Variants in CNTNAP5 observed in about 807,000 individuals in gnomAD.
CNTNAP5 encodes contactin associated protein family member 5.
Under a neutral mutation model 150.2 loss-of-function variants are expected in CNTNAP5, and 72 were observed. The observed-to-expected ratio is 0.48, with a 90% CI of 0.40 to 0.58. CNTNAP5 has a LOEUF of 0.58. CNTNAP5 is among the 20% of genes least tolerant of loss of function. The pLI, the probability that CNTNAP5 is intolerant of heterozygous loss-of-function variation, is 0.00. For synonymous variants in CNTNAP5, 672 were observed against 619.8 expected, an observed-to-expected ratio of 1.08 and a Z score of -1.25; for missense variants, 1,636 against 1,626.2, an observed-to-expected ratio of 1.01 and a Z score of -0.10.
chr2:124,788,310 T>G (rs1242342401), intron 17 of CNTNAP5, among the ~76,000 whole-genome samples: 1 of 152,214 alleles, frequency 6.6e-6, no homozygotes, highest in Non-Finnish European at 1.5e-5. Flanking sequence ...GCCTGATTCT[T>G]GAATAATTTT....
rs77827601 is a variant in CNTNAP5, at chr2:124,884,344, T to G, written c.3436+14582T>G. Reference sequence around the variant, plus strand: ...GTGCATATTCCTTTCTGTGTGTATGTATGTATTCATATCTGGACATGCATG... The same window carrying G: ...GTGCATATTCCTTTCTGTGTGTATGGATGTATTCATATCTGGACATGCATG... On this transcript the variant is annotated intron_variant, in intron 21 of 23. Coordinates refer to ENST00000682447, the MANE Select transcript of CNTNAP5 (RefSeq NM_001367498.1). Among the ~76,000 whole-genome samples, 354 of 152,248 alleles carry G rather than the reference T, an allele frequency of 2.3e-3. 4 individuals carry two copies. Among genetic ancestry groups the G allele is most frequent in the African/African-American group, 8.4e-3 (347 of 41,546 alleles).
At chr2:124,353,159 G>A (rs564381466) in intron 3 of CNTNAP5, among the ~76,000 whole-genome samples, 8 of 151,954 alleles carry the variant, frequency 5.3e-5, no homozygotes, top group African/African-American at 2.4e-5. Flanking sequence ...CAATGTAAGC[G>A]AATTCTTCTA....
intron 19 of CNTNAP5, among the ~76,000 whole-genome samples, chr2:124,844,614 G>A (rs1419430482): frequency 6.6e-6 from 1 of 152,012 alleles, no homozygotes; most frequent in Non-Finnish European, 1.5e-5. Flanking sequence ...TCACAATATT[G>A]ATTCTACCCA....
At chr2:124,706,786 A>G (rs908045244) in intron 13 of CNTNAP5, among the ~76,000 whole-genome samples, 6 of 33,202 alleles carry the variant, frequency 1.8e-4, no homozygotes, top group South Asian at 1.3e-3. Context: ...GAAGAAGAAG[A>G]AGAAGAAGAA....
intron 12 of CNTNAP5, among the ~76,000 whole-genome samples, chr2:124,611,233 G>A (rs151051957): frequency 2.1e-3 from 327 of 152,302 alleles, no homozygotes; most frequent in African/African-American, 7.5e-3. Flanking sequence ...CACAGTGGCT[G>A]TTGTTCATGA....
intron 3 of CNTNAP5, among the ~76,000 whole-genome samples, chr2:124,371,890 A>G (rs1690537166): frequency 6.6e-6 from 1 of 152,074 alleles, no homozygotes; most frequent in African/African-American, 2.4e-5. Context: ...AACTGCAAAG[A>G]AGATGTAATA....
chr2:124,607,747 C>T (rs1009033949), intron 11 of CNTNAP5, among the ~76,000 whole-genome samples: 2 of 152,154 alleles, frequency 1.3e-5, no homozygotes, highest in Non-Finnish European at 2.9e-5. Context: ...TGGTGTTTCC[C>T]TTTTGTGGGA....
intron 13 of CNTNAP5, among the ~76,000 whole-genome samples, chr2:124,685,064 A>G (rs1046988308): frequency 2.6e-5 from 4 of 152,114 alleles, no homozygotes; most frequent in Non-Finnish European, 5.9e-5. Context: ...AAAACTCTTC[A>G]AAGTACTTTT....
At chr2:124,731,183 G>T (rs1327729898) in intron 13 of CNTNAP5, among the ~76,000 whole-genome samples, 1 of 152,044 alleles carries the variant, frequency 6.6e-6, no homozygotes, top group East Asian at 1.9e-4. Context: ...CATGAATAGA[G>T]AATTTTTGTT....
intron 3 of CNTNAP5, among the ~76,000 whole-genome samples, chr2:124,356,575 G>A (rs1459512155): frequency 2.7e-5 from 4 of 150,780 alleles, no homozygotes; most frequent in African/African-American, 9.8e-5. Flanking sequence ...TTTTGTTCTT[G>A]CGATAGTTTA....
intron 11 of CNTNAP5, among the ~76,000 whole-genome samples, chr2:124,600,264 T>A (rs1696954680): frequency 6.6e-6 from 1 of 152,080 alleles, no homozygotes; most frequent in Non-Finnish European, 1.5e-5. Flanking sequence ...TCGTTTACCA[T>A]CTCCAAAACA....
At chr2:124,859,669 T>A (rs904477519) in intron 19 of CNTNAP5, among the ~76,000 whole-genome samples, 1 of 152,150 alleles carries the variant, frequency 6.6e-6, no homozygotes, top group Admixed American at 6.5e-5. Flanking sequence ...CAAATGTCCA[T>A]CAATGATAGA....
intron 1 of CNTNAP5, among the ~76,000 whole-genome samples, chr2:124,081,676 T>C (rs947932330): frequency 1.3e-5 from 2 of 152,178 alleles, no homozygotes; most frequent in African/African-American, 4.8e-5. Flanking sequence ...TGAGTGCCTT[T>C]ATATGAAGAT....
intron 1 of CNTNAP5, among the ~76,000 whole-genome samples, chr2:124,104,572 C>T (rs112303215): frequency 0.028 from 4,266 of 152,114 alleles, 191 homozygotes; most frequent in African/African-American, 0.096. Flanking sequence ...AATGATTTCC[C>T]GACTGTCAAA....
intron 11 of CNTNAP5, among the ~76,000 whole-genome samples, chr2:124,605,694 T>C (rs1007293303): frequency 6.6e-6 from 1 of 151,058 alleles, no homozygotes; most frequent in African/African-American, 2.4e-5. Flanking sequence ...TGTGTGCCTG[T>C]AGTCCCAGCT....
chr2:124,352,248 A>G (rs1265338068), intron 3 of CNTNAP5, among the ~76,000 whole-genome samples: 1 of 152,178 alleles, frequency 6.6e-6, no homozygotes, highest in Non-Finnish European at 1.5e-5. Context: ...CATCATGTTG[A>G]CCAAGTAATT....
intron 1 of CNTNAP5, among the ~76,000 whole-genome samples, chr2:124,114,614 C>G (rs1683381259): frequency 6.6e-6 from 1 of 151,554 alleles, no homozygotes; most frequent in Non-Finnish European, 1.5e-5. Flanking sequence ...AAATCATTAT[C>G]TTGCCTTATT....
At chr2:124,120,811 T>C (rs978106354) in intron 1 of CNTNAP5, among the ~76,000 whole-genome samples, 1 of 152,164 alleles carries the variant, frequency 6.6e-6, no homozygotes, top group African/African-American at 2.4e-5. Context: ...TGAAGACATG[T>C]CATTTTTCTC....
chr2:124,059,228 T>C (rs1385967805), intron 1 of CNTNAP5, among the ~76,000 whole-genome samples: 5 of 152,230 alleles, frequency 3.3e-5, no homozygotes, highest in African/African-American at 1.2e-4. Context: ...TATTAAAATT[T>C]CCAAAAACTA....
Sources: allele counts gnomAD v4.1 joint callset (sites outside exome capture counted in the v4.1 genomes callset), GRCh38; gene constraint gnomAD v4.1.1; transcripts MANE v1.5; gene names NCBI Gene and HGNC (gene_info 2026-07-23, HGNC 2026-07-21).